The following MLXIPL variants were observed in gnomAD, a reference collection of about 807,000 sequenced individuals.
The protein encoded by MLXIPL is MLX interacting protein like.
Under a neutral mutation model 81.5 loss-of-function variants are expected in MLXIPL, and 49 were observed. The observed-to-expected ratio is 0.60, with a 90% confidence interval of 0.48 to 0.76. The LOEUF (loss-of-function observed/expected upper bound fraction) is 0.76. MLXIPL is among the 30% of genes least tolerant of loss of function. MLXIPL has a pLI of 0.00. For synonymous variants in MLXIPL, 466 were observed against 485.5 expected (o/e 0.96, Z 0.53); for missense variants, 1,053 against 1,167.0 (o/e 0.90, Z 1.42).
At chr7:73,594,944 C>A (rs554841542) in intron 15 of MLXIPL, among the ~76,000 whole-genome samples, 1 of 150,218 alleles carries the variant, frequency 6.7e-6, no homozygotes, top group African/African-American at 2.5e-5. Flanking sequence ...CTCCCAGGTT[C>A]AAGCTGTTCT....
Position 73,607,350 on chromosome 7 carries a change from C to G in MLXIPL, c.554G>C (p.Arg185Pro). The G allele has an allele frequency of 6.4e-7, 1 of 1,566,546 alleles. No individual in the cohort carries two copies. The highest frequency in any genetic ancestry group is 8.7e-7 in the Non-Finnish European group (1 of 1,155,212). Residue 185 changes from arginine (R) to proline (P), a missense_variant, in exon 4 of 17, where the codon CGC becomes CCC. Around this residue, in one of 3 missense-constraint regions of MLXIPL, gnomAD observed 823 missense variants for 933.0 expected, o/e 0.88. Transcript: ENST00000313375. Reference protein sequence around the residue: ...EVVMREYHKWRIYYKKRLRKP... With the variant: ...EVVMREYHKWPIYYKKRLRKP... ...ACTGACCCGCTTCTTGTAGTAGATGCGCCACTTGTGGTATTCCCGCATCAC... is the reference window on the plus strand; with the variant it reads ...ACTGACCCGCTTCTTGTAGTAGATGGGCCACTTGTGGTATTCCCGCATCAC...
At position 73,612,691 on chromosome 7, in the gene MLXIPL, A is replaced by G. The variant is rs149663991; in HGVS notation, c.400+3380T>C. ...CCAGGGCTCTCAGAAAGTCAGGGCC[A>G]AGTGAAGCCCCCCTCCCCAGCCCAG... On this transcript the variant is annotated intron_variant, in intron 2 of 16. Coordinates refer to ENST00000313375, the MANE Select transcript of MLXIPL (RefSeq NM_032951.3). Among the ~76,000 whole-genome samples, 162 of 151,554 alleles carry G rather than the reference A, an allele frequency of 1.1e-3. 1 individual carries two copies. Among genetic ancestry groups the G allele is most frequent in the Non-Finnish European group, 1.3e-3 (91 of 67,922 alleles).
intron 2 of MLXIPL, among the ~76,000 whole-genome samples, chr7:73,614,011 C>T (rs1368164895): frequency 6.6e-6 from 1 of 152,150 alleles, no homozygotes; most frequent in African/African-American, 2.4e-5. Flanking sequence ...GTAATCCCAG[C>T]TACTTGGTGC....
chr7:73,609,761 T>C (rs527265856), intron 2 of MLXIPL: 8 of 152,238 alleles, frequency 5.3e-5, no homozygotes, highest in African/African-American at 1.9e-4. Flanking sequence ...GATCTCCGCC[T>C]CCTGGGTGCA....
upstream of MLXIPL, among the ~76,000 whole-genome samples, chr7:73,628,511 T>G (rs1324030943): frequency 3.9e-5 from 6 of 152,212 alleles, no homozygotes; most frequent in Admixed American, 3.9e-4. Flanking sequence ...TCTCCTGTGT[T>G]TAGAGACAGG....
chr7:73,599,003 G>T (rs910161015), intron 8 of MLXIPL, among the ~76,000 whole-genome samples: 1 of 151,374 alleles, frequency 6.6e-6, no homozygotes. Context: ...GGGAGGCGGA[G>T]GTTACAGTGA....
the MLXIPL span, among the ~76,000 whole-genome samples, chr7:73,634,286 C>CT: frequency 2.0e-5 from 3 of 152,244 alleles, no homozygotes; most frequent in South Asian, 6.2e-4. Context: ...ATCCAAAACA[C>CT]TTTGAGAGGC....
chr7:73,632,292 G>A, the MLXIPL span, among the ~76,000 whole-genome samples: 1 of 152,040 alleles, frequency 6.6e-6, no homozygotes, highest in African/African-American at 2.4e-5. Context: ...ATGAGCCACT[G>A]TGCCTGGCCA....
chr7:73,607,649 C>T lies in MLXIPL; in HGVS notation c.424G>A (p.Val142Met). The T allele has an allele frequency of 1.9e-6, 3 of 1,613,454 alleles. No homozygotes were observed. The highest frequency in any genetic ancestry group is 2.5e-6 in the Non-Finnish European group (3 of 1,179,986). Residue 142 changes from valine to methionine, a missense_variant, in exon 3 of 17, where the codon GTG (valine) becomes ATG (methionine). Physicochemically the swap from Val to Met is conservative, Grantham distance 21. Coordinates refer to ENST00000313375, the MANE Select transcript of MLXIPL (RefSeq NM_032951.3). ...IQYVKRRKSP[V>M]CGFVTPLQGP... is the part of the protein sequence containing the mutation. Reference sequence around the variant, plus strand: ...TGCAGGGGGGTCACGAAGCCACACACGGGGCTCTTCCTCCGCTTCACATCT... The same window carrying T: ...TGCAGGGGGGTCACGAAGCCACACATGGGGCTCTTCCTCCGCTTCACATCT...
At chr7:73,621,811 C>G (rs1446467233) in intron 1 of MLXIPL, among the ~76,000 whole-genome samples, 1 of 106,270 alleles carries the variant, frequency 9.4e-6, no homozygotes, top group Non-Finnish European at 2.0e-5. Context: ...CCCTCTCCCT[C>G]CCTCCATCTC....
At chr7:73,607,525 G>A (rs1214288486) in intron 3 of MLXIPL, 65 bp downstream of exon 3, 3 of 1,583,606 alleles carry the variant, frequency 1.9e-6, no homozygotes, top group African/African-American at 2.7e-5. Flanking sequence ...GGCTACAGGA[G>A]GCAGGGGCTG....
At chr7:73,629,782 G>C in the MLXIPL span, among the ~76,000 whole-genome samples, 4 of 152,146 alleles carry the variant, frequency 2.6e-5, no homozygotes, top group South Asian at 8.3e-4. Context: ...CCTGTCAACT[G>C]TGTGTATATG....
At chr7:73,639,809 A>G in the MLXIPL span, among the ~76,000 whole-genome samples, 6 of 152,184 alleles carry the variant, frequency 3.9e-5, no homozygotes, top group Non-Finnish European at 8.8e-5. Context: ...CTGTAATCCC[A>G]GCACTTTGGG....
chr7:73,625,369 C>A (rs1346336952), upstream of MLXIPL, among the ~76,000 whole-genome samples: 1 of 152,188 alleles, frequency 6.6e-6, no homozygotes, highest in South Asian at 2.1e-4. Context: ...GGTAGAAGCC[C>A]CCAACTCTCA....
Position 73,597,351 on chromosome 7 carries a change from C to T in MLXIPL, c.1434G>A (p.Gly478=). 2 of 1,515,038 alleles carry T rather than the reference C, an allele frequency of 1.3e-6. No individual in the cohort carries two copies. Among genetic ancestry groups the T allele is most frequent in the Admixed American group, 2.1e-5 (1 of 47,618 alleles). The allele number at this position is 1,515,038 out of a possible 1,614,324, so 93.8% of individuals were successfully genotyped here. A position where few individuals can be genotyped will look rare whatever the true frequency, so the allele number is the denominator to read the frequency against. The part of the protein sequence containing the change: ...TPFPIELLPL[G]YSEPAFGPCF... ...AAGGCCCAAAGGCAGGCTCCGAATA[C>T]CCCAAGGGTAGAAGCTCTATGGGGA... is the stretch of plus-strand genomic sequence containing the variant. Residue 478 remains glycine, a synonymous_variant, in exon 9 of 17, where the codon GGG becomes GGA. Coordinates refer to ENST00000313375, the MANE Select transcript of MLXIPL (RefSeq NM_032951.3).
upstream of MLXIPL, among the ~76,000 whole-genome samples, chr7:73,627,140 C>A (rs1199154038): frequency 3.9e-5 from 6 of 152,144 alleles, no homozygotes; most frequent in East Asian, 1.2e-3. Context: ...GATGTGCATT[C>A]TCTCTGCCCA....
upstream of MLXIPL, among the ~76,000 whole-genome samples, chr7:73,627,310 A>G (rs7781318): frequency 0.1 from 15,375 of 147,184 alleles, 1,155 homozygotes; most frequent in African/African-American, 0.21. Context: ...GTGCAGTGGC[A>G]TGATCTCAGC....
chr7:73,602,398 C>T (rs1436781639), intron 7 of MLXIPL, among the ~76,000 whole-genome samples: 2 of 150,018 alleles, frequency 1.3e-5, no homozygotes, highest in Non-Finnish European at 3.0e-5. Flanking sequence ...AGGCCAGGCG[C>T]GGTGGCTCAC....
upstream of MLXIPL, among the ~76,000 whole-genome samples, chr7:73,628,356 T>A (rs991358471): frequency 6.6e-6 from 1 of 152,154 alleles, no homozygotes; most frequent in African/African-American, 2.4e-5. Flanking sequence ...TCAACAGGCA[T>A]CTGCATCTCA....
Sources: gnomAD v4.1 joint callset for allele counts (sites outside exome capture counted in the v4.1 genomes callset) on GRCh38, gnomAD v4.1.1 for gene constraint, gnomAD v4.1.1 regional missense constraint, MANE v1.5 for transcripts, NCBI Gene and HGNC (gene_info 2026-07-23, HGNC 2026-07-21) for gene names.